Variants in MEIS2 observed in about 807,000 individuals in gnomAD.
The protein encoded by MEIS2 is homeobox protein Meis2.
MEIS2 carries 9 observed loss-of-function variants against 58.6 expected under a neutral mutation model. That is an observed-to-expected ratio of 0.15 (90% confidence interval 0.09 to 0.27). The LOEUF is 0.27. Ranked by LOEUF, MEIS2 falls within the 10% of genes least tolerant of loss-of-function variation. The probability of loss-of-function intolerance (pLI) is 1.00; values close to 1 mark genes in which losing one functional copy is unlikely to be tolerated. For missense variants in MEIS2, 427 were observed against 635.0 expected (o/e 0.67, Z 3.52); for synonymous variants, 221 against 228.4 (o/e 0.97, Z 0.29).
chr15:36,942,898 C>G (rs1008289172), intron 9 of MEIS2, among the ~76,000 whole-genome samples: 1 of 152,064 alleles, frequency 6.6e-6, no homozygotes, highest in African/African-American at 2.4e-5. Context: ...TTGGTATATT[C>G]TGATCTATCT....
chr15:37,039,574 A>C (rs2062325570), intron 7 of MEIS2, among the ~76,000 whole-genome samples: 1 of 152,224 alleles, frequency 6.6e-6, no homozygotes, highest in African/African-American at 2.4e-5. Context: ...CTTAAAAGCA[A>C]AGAGGGCTGG....
intron 8 of MEIS2, among the ~76,000 whole-genome samples, chr15:36,950,876 G>T (rs1419733109): frequency 6.6e-6 from 1 of 152,056 alleles, no homozygotes; most frequent in African/African-American, 2.4e-5. Flanking sequence ...AGAAAGTGAG[G>T]TAGTATATAA....
At chr15:36,969,148 T>C (rs2059451634) in intron 8 of MEIS2, among the ~76,000 whole-genome samples, 1 of 152,226 alleles carries the variant, frequency 6.6e-6, no homozygotes, top group South Asian at 2.1e-4. Flanking sequence ...GTATTTCTTC[T>C]CTTAGTTTGC....
intron 7 of MEIS2, among the ~76,000 whole-genome samples, chr15:37,043,965 C>T (rs535017421): frequency 6.6e-6 from 1 of 152,108 alleles, no homozygotes; most frequent in Non-Finnish European, 1.5e-5. Flanking sequence ...TGATTACAGG[C>T]GTGAGCCACT....
intron 10 of MEIS2, 124 bp from the exon 11 acceptor site, chr15:36,895,385 G>A (rs990037215): frequency 4.3e-5 from 33 of 763,832 alleles, no homozygotes; most frequent in Non-Finnish European, 5.3e-5. Flanking sequence ...CTACAAATGG[G>A]GGTGTGGTTT....
chr15:36,995,950 G>T (rs2060478433), intron 8 of MEIS2, among the ~76,000 whole-genome samples: 1 of 122,758 alleles, frequency 8.1e-6, no homozygotes, highest in African/African-American at 3.1e-5. Flanking sequence ...ATTTCCTCTA[G>T]TCTGAGATAT....
chr15:36,904,711 G>A (rs185122884), intron 9 of MEIS2, among the ~76,000 whole-genome samples: 2 of 151,096 alleles, frequency 1.3e-5, no homozygotes, highest in Non-Finnish European at 2.9e-5. Flanking sequence ...ATCAATCATT[G>A]AGAGCTGGGT....
Position 37,080,840 on chromosome 15 carries a change from G to C in MEIS2, c.754+2931C>G, listed in dbSNP as rs1002529805. Among the ~76,000 whole-genome samples, 3 of 152,178 alleles carry C rather than the reference G, an allele frequency of 2.0e-5. No homozygotes were observed. In the East Asian group the frequency reaches 5.8e-4, roughly 29 times the overall value. ...TTAGACATGTGCTCTTTGAAAGATA[G>C]TAAAGTCAGGTTTCACATTTTACCA... On this transcript the variant is annotated intron_variant, in intron 7 of 11. Transcript: ENST00000561208.
chr15:37,008,017 T>C (rs1224007153), intron 8 of MEIS2, among the ~76,000 whole-genome samples: 3 of 152,226 alleles, frequency 2.0e-5, no homozygotes, highest in Non-Finnish European at 2.9e-5. Flanking sequence ...AAGGATACCT[T>C]TTTAAAAATG....
chr15:37,099,322 A>G, intron 1 of MEIS2, 133 bp downstream of exon 1: 3 of 1,557,460 alleles, frequency 1.9e-6, no homozygotes, highest in Non-Finnish European at 2.6e-6. Context: ...TAATTTTGCT[A>G]TTTTTTAAAA....
chr15:37,099,201 C>CGCCGCCCGCGA (rs1894788455), intron 1 of MEIS2: 5 of 1,413,086 alleles, frequency 3.5e-6, no homozygotes, highest in Non-Finnish European at 3.7e-6. Flanking sequence ...CACACGCACT[C>CGCCGCCCGCGA]GCCGCCCGCC....
intron 8 of MEIS2, among the ~76,000 whole-genome samples, chr15:37,035,757 C>T (rs1172179152): frequency 6.6e-6 from 1 of 152,194 alleles, no homozygotes; most frequent in Non-Finnish European, 1.5e-5. Context: ...ACTGCTCCAC[C>T]CCTTGCCCTT....
intron 8 of MEIS2, among the ~76,000 whole-genome samples, chr15:37,026,191 A>G (rs1005019866): frequency 6.6e-6 from 1 of 152,156 alleles, no homozygotes; most frequent in Non-Finnish European, 1.5e-5. Context: ...GAGAGTCCCA[A>G]TGTGTCACCA....
chr15:37,006,412 A>T (rs2060925565), intron 8 of MEIS2, among the ~76,000 whole-genome samples: 1 of 152,208 alleles, frequency 6.6e-6, no homozygotes, highest in African/African-American at 2.4e-5. Flanking sequence ...TTATCTGGAG[A>T]AATTAAGATG....
At chr15:36,973,773 C>T (rs1474255178) in intron 8 of MEIS2, among the ~76,000 whole-genome samples, 1 of 151,704 alleles carries the variant, frequency 6.6e-6, no homozygotes, top group African/African-American at 2.4e-5. Context: ...TAAAAAAACC[C>T]TAAAAACTAA....
chr15:37,024,517 C>A (rs914655524), intron 8 of MEIS2, among the ~76,000 whole-genome samples: 1 of 152,188 alleles, frequency 6.6e-6, no homozygotes. Flanking sequence ...GCGTCTAAAC[C>A]TAAGGCCTCT....
At chr15:37,057,359 ATAAAT>A (rs777683760) in intron 7 of MEIS2, among the ~76,000 whole-genome samples, 2 of 152,154 alleles carry the variant, frequency 1.3e-5, no homozygotes, top group Non-Finnish European at 2.9e-5. Context: ...TTTTTTTCTC[ATAAAT>A]TAGTCAGGCC....
In MEIS2 at chr15:36,929,217, T is replaced by C. The variant is rs192836906; in HGVS notation, c.977+21107A>G. 2.6e-4 allele frequency among the ~76,000 whole-genome samples: 39 copies of C among 152,338 alleles called. No homozygotes were observed. The East Asian group carries it at 7.5e-3, about 29-fold the overall frequency. ...TCAACTTAAAGACATGTTACTTACA[T>C]GTGTCTCATTCTTTTCAACAGCTGA... On this transcript the variant is annotated intron_variant, in intron 9 of 11. Transcript: ENST00000561208.
At chr15:37,100,708 A>T (rs1456406929), upstream of MEIS2, among the ~76,000 whole-genome samples, 19 of 145,346 alleles carry the variant, frequency 1.3e-4, no homozygotes, top group African/African-American at 3.3e-4. Context: ...TGTGTGTGTG[A>T]GTGTGTGTGT....
Sources: allele counts gnomAD v4.1 joint callset (sites outside exome capture counted in the v4.1 genomes callset), GRCh38; gene constraint gnomAD v4.1.1; transcripts MANE v1.5; gene names NCBI Gene and HGNC (gene_info 2026-07-23, HGNC 2026-07-21).